The following AKR1C4 variants were observed in gnomAD, a reference collection of about 807,000 sequenced individuals.
AKR1C4 encodes aldo-keto reductase family 1 member C4, also known as 3-alpha-HSD1.
Under a neutral mutation model 41.0 loss-of-function variants are expected in AKR1C4, and 44 were observed. The ratio of observed to expected loss-of-function variants is 1.07; its 90% CI spans 0.84 to 1.38. The LOEUF (loss-of-function observed/expected upper bound fraction) is 1.38. Ranked by LOEUF, AKR1C4 falls within the 40% of genes most tolerant of loss-of-function variation. The pLI is 0.00. For missense variants in AKR1C4, 438 were observed against 387.9 expected (o/e 1.13, Z -1.09); for synonymous variants, 165 against 137.7 (o/e 1.20, Z -1.39).
intron 2 of AKR1C4, among the ~76,000 whole-genome samples, chr10:5,201,449 GTTAT>G (rs782394721): frequency 1.5e-4 from 23 of 152,114 alleles, no homozygotes; most frequent in African/African-American, 1.9e-4. Context: ...TTTCAACAGG[GTTAT>G]TTGTTTTTAT....
intron 8 of AKR1C4, among the ~76,000 whole-genome samples, chr10:5,218,366 A>G (rs578049037): frequency 6.6e-4 from 101 of 152,316 alleles, no homozygotes; most frequent in African/African-American, 2.2e-3. Flanking sequence ...GCTTATTTCT[A>G]TTCAAAACAA....
At chr10:5,205,434 A>T (rs782058386) in intron 3 of AKR1C4, among the ~76,000 whole-genome samples, 1 of 152,202 alleles carries the variant, frequency 6.6e-6, no homozygotes, top group Non-Finnish European at 1.5e-5. Flanking sequence ...ATTGCTGGAT[A>T]TCAAGGGCTG....
At chr10:5,215,872 C>G (rs962245012) in intron 7 of AKR1C4, among the ~76,000 whole-genome samples, 2 of 152,246 alleles carry the variant, frequency 1.3e-5, no homozygotes, top group Non-Finnish European at 2.9e-5. Context: ...CCTCCTGACA[C>G]TTCCAAACTG....
chr10:5,201,718 A>G (rs1429309664), intron 2 of AKR1C4, among the ~76,000 whole-genome samples: 1 of 152,054 alleles, frequency 6.6e-6, no homozygotes, highest in Non-Finnish European at 1.5e-5. Context: ...TTCCAATGTT[A>G]TCTTCTAAAA....
chr10:5,198,383 C>A (rs757238435), intron 1 of AKR1C4, among the ~76,000 whole-genome samples: 8 of 152,174 alleles, frequency 5.3e-5, no homozygotes, highest in Non-Finnish European at 8.8e-5. Flanking sequence ...CTCACCCCTT[C>A]CTAACTGATA....
At chr10:5,204,298 G>A in intron 2 of AKR1C4, 79 bp from the exon 3 acceptor site, 1 of 1,129,844 alleles carries the variant, frequency 8.9e-7, no homozygotes, top group South Asian at 1.4e-5. Context: ...GGTGAAAAAT[G>A]TCTAAATATT....
chr10:5,214,681 ACTTT>A (rs1443992439), intron 7 of AKR1C4, among the ~76,000 whole-genome samples: 5 of 149,248 alleles, frequency 3.4e-5, no homozygotes, highest in Admixed American at 2.7e-4. Context: ...TCTTTGGATA[ACTTT>A]TTTTGAGAAT....
intron 3 of AKR1C4, 66 bp downstream of exon 3, chr10:5,204,559 T>C: frequency 3.3e-6 from 4 of 1,221,320 alleles, no homozygotes; most frequent in Non-Finnish European, 4.9e-6. Flanking sequence ...GATGGTTGAA[T>C]TGAACTTCTT....
At position 5,204,505 on chromosome 10, in the gene AKR1C4, G is replaced by A; in HGVS notation, c.369+12G>A. 1.3e-6 allele frequency: 2 copies of A among 1,565,362 alleles called. No homozygotes were observed. The highest frequency in any genetic ancestry group is 3.3e-4 in the Middle Eastern group (2 of 5,972). On this transcript the variant is annotated intron_variant, in intron 3 of 8. Coordinates refer to ENST00000263126, the MANE Select transcript of AKR1C4 (RefSeq NM_001818.5). ...CAATGGCTCTCAAGGTAGGGAATTT[G>A]TGAGATCAACTTCTCTTCTGTTCTC...
chr10:5,197,951 C>T (rs1832336995), intron 1 of AKR1C4, among the ~76,000 whole-genome samples: 1 of 152,108 alleles, frequency 6.6e-6, no homozygotes, highest in Non-Finnish European at 1.5e-5. Flanking sequence ...GTAGTGCAAC[C>T]TGGCATCTAG....
rs1180572817 is a variant in AKR1C4 at position 5,204,465 on chromosome 10, ATCT to A, written c.347_349del (p.Leu116del). On this transcript the variant is annotated inframe_deletion, in exon 3 of 9. Coordinates refer to ENST00000263126, the MANE Select transcript of AKR1C4 (RefSeq NM_001818.5). The stretch of plus-strand genomic sequence containing the variant: ...CTTCAACTGGACTATGTTGACCTCT[ATCT>A]TCTTCATTTCCCAATGGCTCTCAAG... 1.9e-6 allele frequency: 3 copies of A among 1,613,504 alleles called. No individual in the cohort carries two copies. Among genetic ancestry groups the A allele is most frequent in the East Asian group, 2.2e-5 (1 of 44,860 alleles).
chr10:5,198,346 C>A (rs371029545), intron 1 of AKR1C4, among the ~76,000 whole-genome samples: 2 of 152,154 alleles, frequency 1.3e-5, no homozygotes, highest in East Asian at 1.9e-4. Context: ...AAGTTGGAGC[C>A]TGGCTGGTAT....
At chr10:5,198,850 A>C (rs1832352848) in intron 1 of AKR1C4, among the ~76,000 whole-genome samples, 1 of 151,678 alleles carries the variant, frequency 6.6e-6, no homozygotes, top group African/African-American at 2.4e-5. Context: ...AAAATACAAA[A>C]ACTTAACCAG....
rs78121771 is a variant in AKR1C4 at position 5,198,531 on chromosome 10, T to A, written c.84+1580T>A. On this transcript the variant is annotated intron_variant, in intron 1 of 8. Coordinates refer to ENST00000263126, the MANE Select transcript of AKR1C4 (RefSeq NM_001818.5). ...AGCACCCAGTTAAAATCTTGGGAAT[T>A]GAGTCTCCAAATAGCATCCCTTGTA... is the stretch of plus-strand genomic sequence containing the variant. Among the ~76,000 whole-genome samples the A allele has an allele frequency of 5.4e-3, 821 of 152,274 alleles. 6 individuals carry two copies. The highest frequency in any genetic ancestry group is 8.1e-3 in the Non-Finnish European group (552 of 68,014).
intron 5 of AKR1C4, among the ~76,000 whole-genome samples, chr10:5,208,436 A>G (rs1200090177): frequency 2.0e-5 from 3 of 151,650 alleles, no homozygotes; most frequent in Non-Finnish European, 4.4e-5. Flanking sequence ...GAGAAATTTG[A>G]AGGGATAATA....
intron 7 of AKR1C4, among the ~76,000 whole-genome samples, chr10:5,214,512 C>T (rs1832625979): frequency 6.6e-6 from 1 of 152,146 alleles, no homozygotes; most frequent in Non-Finnish European, 1.5e-5. Context: ...TTGGTGAGAA[C>T]TGATTGAGAC....
intron 8 of AKR1C4, among the ~76,000 whole-genome samples, chr10:5,218,178 G>A (rs189006288): frequency 6.6e-6 from 1 of 151,964 alleles, no homozygotes; most frequent in African/African-American, 2.4e-5. Flanking sequence ...CATATTGTAG[G>A]GTTTTGAATA....
chr10:5,206,338 A>C lies in AKR1C4; in HGVS notation c.511A>C (p.Arg171=). The C allele has an allele frequency of 1.2e-6, 2 of 1,614,104 alleles. No individual in the cohort carries two copies. Among genetic ancestry groups the C allele is most frequent in the Non-Finnish European group, 1.7e-6 (2 of 1,179,986 alleles). ...CATCGGGGTGTCAAACTTCAACTGC[A>C]GGCAGCTGGAGATGATCCTCAACAA... ...KSIGVSNFNC[R]QLEMILNKPG... The change falls in exon 5 of 9, where the codon AGG becomes CGG. Residue 171 remains arginine, a synonymous_variant. Coordinates refer to ENST00000263126, the MANE Select transcript of AKR1C4 (RefSeq NM_001818.5).
intron 5 of AKR1C4, among the ~76,000 whole-genome samples, chr10:5,208,737 A>G (rs1832526249): frequency 6.6e-6 from 1 of 151,446 alleles, no homozygotes; most frequent in Non-Finnish European, 1.5e-5. Context: ...TGTTTTATTG[A>G]AAGATCTCTT....
Sources: gnomAD v4.1 joint callset for allele counts (sites outside exome capture counted in the v4.1 genomes callset) on GRCh38, gnomAD v4.1.1 for gene constraint, MANE v1.5 for transcripts, NCBI Gene and HGNC (gene_info 2026-07-23, HGNC 2026-07-21) for gene names.